Variants in ERBB4 observed in about 807,000 individuals in gnomAD.
ERBB4 encodes the protein receptor tyrosine-protein kinase erbB-4.
A neutral mutation model predicts 158.0 loss-of-function variants in ERBB4; 42 were observed. The ratio of observed to expected loss-of-function variants is 0.27; its 90% CI spans 0.21 to 0.34. The LOEUF is 0.34. Ranked by LOEUF, ERBB4 falls within the 10% of genes least tolerant of loss-of-function variation. The pLI, the probability that ERBB4 is intolerant of heterozygous loss-of-function variation, is 1.00. For synonymous variants in ERBB4, 583 were observed against 558.7 expected, an observed-to-expected ratio of 1.04 and a Z score of -0.61; for missense variants, 1,333 against 1,624.1, an observed-to-expected ratio of 0.82 and a Z score of 3.08.
At chr2:211,687,544 CAT>C in intron 12 of ERBB4, among the ~76,000 whole-genome samples, 2 of 147,082 alleles carry the variant, frequency 1.4e-5, no homozygotes, top group African/African-American at 2.5e-5. Context: ...TTGTTTTTAG[CAT>C]TGTATGTTTG....
chr2:212,265,604 C>T (rs2085106002), intron 1 of ERBB4, among the ~76,000 whole-genome samples: 1 of 151,912 alleles, frequency 6.6e-6, no homozygotes, highest in Non-Finnish European at 1.5e-5. Flanking sequence ...ATGACACTGT[C>T]CTCCCAGTTC....
At chr2:211,733,019 T>C (rs2106157578) in intron 5 of ERBB4, among the ~76,000 whole-genome samples, 1 of 152,210 alleles carries the variant, frequency 6.6e-6, no homozygotes, top group Non-Finnish European at 1.5e-5. Context: ...GGCCCATATT[T>C]TGGCAGCTAC....
At chr2:212,279,868 A>G (rs1219977928) in intron 1 of ERBB4, among the ~76,000 whole-genome samples, 1 of 151,686 alleles carries the variant, frequency 6.6e-6, no homozygotes, top group Non-Finnish European at 1.5e-5. Context: ...AAAGGATACA[A>G]AAAGTTGTTG....
At chr2:212,270,522 T>C (rs919440768) in intron 1 of ERBB4, among the ~76,000 whole-genome samples, 11 of 151,776 alleles carry the variant, frequency 7.2e-5, no homozygotes, top group African/African-American at 9.7e-5. Flanking sequence ...AGTTCTCCCA[T>C]TGAAAAATAG....
chr2:211,540,572 T>TG (rs904373403), intron 20 of ERBB4, among the ~76,000 whole-genome samples: 17 of 151,854 alleles, frequency 1.1e-4, no homozygotes, highest in African/African-American at 4.1e-4. Context: ...TGTTTTGTTT[T>TG]GTTTTTTTGG....
chr2:212,461,684 G>A (rs2106073396), intron 1 of ERBB4, among the ~76,000 whole-genome samples: 1 of 152,242 alleles, frequency 6.6e-6, no homozygotes, highest in Non-Finnish European at 1.5e-5. Flanking sequence ...CAAAATGTGA[G>A]GATGTGAGAT....
intron 1 of ERBB4, among the ~76,000 whole-genome samples, chr2:212,513,796 G>A (rs183118919): frequency 0.012 from 1,894 of 152,028 alleles, 40 homozygotes; most frequent in African/African-American, 0.043. Flanking sequence ...TGGGCGACAC[G>A]GCGAGACTCC....
chr2:212,050,544 A>G (rs1048768960), intron 2 of ERBB4, among the ~76,000 whole-genome samples: 8 of 152,176 alleles, frequency 5.3e-5, no homozygotes, highest in Non-Finnish European at 1.2e-4. Context: ...AGTACTGGGT[A>G]GAATATCAAT....
intron 3 of ERBB4, among the ~76,000 whole-genome samples, chr2:211,794,534 T>C (rs569422264): frequency 1.2e-4 from 18 of 152,070 alleles, no homozygotes; most frequent in Admixed American, 5.2e-4. Flanking sequence ...ATAACATCCA[T>C]AGAACATGAC....
intron 20 of ERBB4, among the ~76,000 whole-genome samples, chr2:211,495,470 G>A (rs1462084250): frequency 3.3e-5 from 5 of 151,974 alleles, no homozygotes; most frequent in African/African-American, 1.2e-4. Flanking sequence ...TCTCCTATCT[G>A]CAACACTGAT....
intron 2 of ERBB4, among the ~76,000 whole-genome samples, chr2:212,108,511 AG>A (rs1334825097): frequency 1.3e-5 from 2 of 152,202 alleles, no homozygotes; most frequent in African/African-American, 4.8e-5. Flanking sequence ...GGGTCATGCC[AG>A]TATTTTTTAT....
At chr2:212,123,707 T>C (rs1007863865) in intron 2 of ERBB4, among the ~76,000 whole-genome samples, 1 of 152,110 alleles carries the variant, frequency 6.6e-6, no homozygotes, top group African/African-American at 2.4e-5. Context: ...TTTTCTGAGG[T>C]TGTTACCAAT....
At chr2:211,633,482 A>ATTTTTTTTTTTTTTTTTTTTTTTTTATTT (rs3068983) in intron 16 of ERBB4, among the ~76,000 whole-genome samples, 1 of 127,226 alleles carries the variant, frequency 7.9e-6, no homozygotes, top group Non-Finnish European at 1.6e-5. Context: ...GTATTTTCTA[A>ATTTTTTTTTTTTTTTTTTTTTTTTTATTT]TTTTTTTTTT....
intron 27 of ERBB4, among the ~76,000 whole-genome samples, chr2:211,385,177 A>T (rs1363346022): frequency 6.6e-6 from 1 of 152,066 alleles, no homozygotes; most frequent in East Asian, 1.9e-4. Flanking sequence ...TTTTCTCCAA[A>T]TATATATATA....
At chr2:212,240,347 T>A (rs1323442655) in intron 1 of ERBB4, among the ~76,000 whole-genome samples, 1 of 152,006 alleles carries the variant, frequency 6.6e-6, no homozygotes, top group African/African-American at 2.4e-5. Context: ...AGAATATCCT[T>A]ATCTCTAAAG....
intron 16 of ERBB4, among the ~76,000 whole-genome samples, chr2:211,653,962 C>T (rs978430724): frequency 1.3e-5 from 2 of 152,156 alleles, no homozygotes; most frequent in African/African-American, 4.8e-5. Flanking sequence ...GTATGAGCCA[C>T]CGCGCCCTGC....
At chr2:211,527,960 C>T (rs1400620000) in intron 20 of ERBB4, among the ~76,000 whole-genome samples, 5 of 151,922 alleles carry the variant, frequency 3.3e-5, no homozygotes, top group African/African-American at 9.7e-5. Flanking sequence ...AAAAAGAAGA[C>T]CACAAAACAA....
At chr2:212,372,421 C>A (rs1412989463) in intron 1 of ERBB4, among the ~76,000 whole-genome samples, 1 of 152,028 alleles carries the variant, frequency 6.6e-6, no homozygotes, top group Non-Finnish European at 1.5e-5. Flanking sequence ...CTATAAGATC[C>A]AAGCTTCCTT....
chr2:211,803,817 C>G (rs1002827602), intron 3 of ERBB4, among the ~76,000 whole-genome samples: 3 of 152,164 alleles, frequency 2.0e-5, no homozygotes, highest in Non-Finnish European at 2.9e-5. Flanking sequence ...GAGATATGCT[C>G]TCATGGAACT....
Sources: gnomAD v4.1 joint callset for allele counts (sites outside exome capture counted in the v4.1 genomes callset) on GRCh38, gnomAD v4.1.1 for gene constraint, MANE v1.5 for transcripts, NCBI Gene and HGNC (gene_info 2026-07-23, HGNC 2026-07-21) for gene names.